DBH: variants seen among roughly 807,000 people sequenced by gnomAD.
DBH encodes dopamine beta-hydroxylase (dopamine beta-monooxygenase).
Under a neutral mutation model 64.0 loss-of-function variants are expected in DBH, and 49 were observed. The ratio of observed to expected loss-of-function variants is 0.77; its 90% confidence interval spans 0.61 to 0.97. The LOEUF is 0.97. Ranked by LOEUF, DBH falls within the 50% of genes least tolerant of loss-of-function variation. DBH has a pLI of 0.00. For missense variants in DBH, 828 were observed against 826.6 expected, an observed-to-expected ratio of 1.00 and a Z score of -0.02; for synonymous variants, 343 against 347.1, an observed-to-expected ratio of 0.99 and a Z score of 0.13.
In DBH at chr9:133,642,325, TC is replaced by T. The variant is rs1030029262; in HGVS notation, c.609del (p.Glu204AsnfsTer84). On this transcript the variant is annotated frameshift_variant, in exon 3 of 12. Transcript: ENST00000393056. LOFTEE classifies it high-confidence loss of function. ...AGGGTGCAGCTCCTGAAGCCCAATA[TC>T]CCCGAACCGGAGTTGCCCTCAGACG... ...LQRVQLLKPN[I>X]PEPELPSDAC... The T allele has an allele frequency of 1.9e-6, 3 of 1,613,924 alleles. No homozygotes were observed. The highest frequency in any genetic ancestry group is 2.5e-6 in the Non-Finnish European group (3 of 1,180,016).
In DBH at chr9:133,642,381, A is replaced by G. The variant is rs1414884224; in HGVS notation, c.661A>G (p.Ile221Val). 1.2e-6 allele frequency: 2 copies of G among 1,614,124 alleles called. No individual in the cohort carries two copies. The highest frequency in any genetic ancestry group is 3.3e-5 in the Admixed American group (2 of 60,018). ...CACCATGGAGGTCCAAGCTCCCAAT[A>G]TCCAGATCCCCAGCCAGGAGACCAC... ...ACTMEVQAPN[I>V]QIPSQETTYW... Residue 221 changes from isoleucine (I) to valine (V), a missense_variant, in exon 3 of 12, where the codon ATC becomes GTC. Coordinates refer to ENST00000393056, the MANE Select transcript of DBH (RefSeq NM_000787.4).
At chr9:133,644,873 A>G (rs1832162884) in intron 5 of DBH, among the ~76,000 whole-genome samples, 1 of 152,130 alleles carries the variant, frequency 6.6e-6, no homozygotes, top group African/African-American at 2.4e-5. Flanking sequence ...TGTCTCAGAA[A>G]CTGAAAAAAA....
intron 9 of DBH, 138 bp from the exon 10 acceptor site, chr9:133,656,385 C>T (rs1262214137): frequency 3.7e-5 from 44 of 1,193,370 alleles, no homozygotes; most frequent in Non-Finnish European, 4.7e-5. Context: ...GGCAGGGACT[C>T]GGTTCCCCAG....
At chr9:133,646,439 A>G (rs1832182610) in intron 5 of DBH, among the ~76,000 whole-genome samples, 1 of 152,296 alleles carries the variant, frequency 6.6e-6, no homozygotes, top group African/African-American at 2.4e-5. Flanking sequence ...CTGCTGATTC[A>G]CTAGGCATGG....
intron 11 of DBH, 157 bp downstream of exon 11, chr9:133,657,386 C>A (rs560232269): frequency 6.7e-6 from 5 of 744,096 alleles, no homozygotes; most frequent in South Asian, 3.1e-5. Flanking sequence ...GCCTAGACAG[C>A]CAGCCAGCCA....
At position 133,657,446 on chromosome 9, in the gene DBH, A is replaced by AGAG. The variant is rs1289696827; in HGVS notation, c.1722+218_1722+220dup. 1.6e-3 allele frequency: 732 copies of AGAG among 468,848 alleles called. 15 individuals carry two copies. Among genetic ancestry groups the AGAG allele is most frequent in the Non-Finnish European group, 1.9e-3 (504 of 261,438 alleles). The allele number at this position is 468,848 out of a possible 1,614,324, so 29.0% of individuals were successfully genotyped here. A position where few individuals can be genotyped will look rare whatever the true frequency, so the allele number is the denominator to read the frequency against. On this transcript the variant is annotated intron_variant, in intron 11 of 11. Coordinates refer to ENST00000393056, the MANE Select transcript of DBH (RefSeq NM_000787.4). ...AGAGGAGAGAGAGGAGAGAGAGGAG[A>AGAG]GAGAGGAGAGAGGGAGAGGGAGAGA...
At position 133,643,715 on chromosome 9, in the gene DBH, C is replaced by T. The variant is rs1832144943; in HGVS notation, c.921+126C>T. On this transcript the variant is annotated intron_variant, in intron 4 of 11. Transcript: ENST00000393056. The surrounding 1 kb of genome is among the most constrained non-coding windows in gnomAD (Gnocchi z 5.3). ...GGGCTCCCAAGGGGGCTCACGAGGC[C>T]ACCAGAAGGGCCAGGCCTGAGGTGG... The T allele has an allele frequency of 9.1e-7, 1 of 1,094,460 alleles. No homozygotes were observed. The highest frequency in any genetic ancestry group is 1.6e-5 in the African/African-American group (1 of 63,594). The allele number at this position is 1,094,460 out of a possible 1,614,324, so 67.8% of individuals were successfully genotyped here.
chr9:133,657,441 AGGAGAGAGAGGAGAGAGG>A, intron 11 of DBH: 1 of 420,574 alleles, frequency 2.4e-6, no homozygotes, highest in Non-Finnish European at 4.4e-6. Context: ...GAGGAGAGAG[AGGAGAGAGAGGAGAGAGG>A]GAGAGGGAGA....
At chr9:133,647,195 A>G (rs969710533) in intron 5 of DBH, among the ~76,000 whole-genome samples, 3 of 152,210 alleles carry the variant, frequency 2.0e-5, no homozygotes, top group African/African-American at 7.2e-5. Context: ...TTGGGTCTGC[A>G]GGACATAAAT....
At chr9:133,653,024 C>A in intron 9 of DBH, 25 bp downstream of exon 9, 1 of 1,583,764 alleles carries the variant, frequency 6.3e-7, no homozygotes. Flanking sequence ...CTTCCCCCTG[C>A]ACCTGCCCAG....
Position 133,653,016 on chromosome 9 carries a change from T to TC in DBH, c.1434+22dup. On this transcript the variant is annotated intron_variant, in intron 9 of 11. Transcript: ENST00000393056. ...GCCACAGTGGTAAGTCACCCCCGCT[T>TC]CCCCCTGCACCTGCCCAGGGCGAGT... The TC allele has an allele frequency of 1.9e-6, 3 of 1,600,704 alleles. No homozygotes were observed. Among genetic ancestry groups the TC allele is most frequent in the Non-Finnish European group, 2.6e-6 (3 of 1,168,242 alleles).
At chr9:133,657,352 C>A in intron 11 of DBH, 123 bp downstream of exon 11, 1 of 1,214,340 alleles carries the variant, frequency 8.2e-7, no homozygotes, top group Non-Finnish European at 1.2e-6. Flanking sequence ...ACAATGAGAG[C>A]AAGTGCCAGG....
Position 133,636,602 on chromosome 9 carries a change from G to A in DBH, c.231G>A (p.Leu77=), listed in dbSNP as rs1832055678. ...YTQEAIHFQL[L]VRRLKAGVLF... ...AGGAGGCCATCCATTTCCAGCTCCT[G>A]GTGCGGAGGCTCAAGGCTGGCGTCC... The change falls in exon 1 of 12, where the codon CTG becomes CTA. Residue 77 remains leucine (L), a synonymous_variant. Coordinates refer to ENST00000393056, the MANE Select transcript of DBH (RefSeq NM_000787.4). 1.2e-6 allele frequency: 2 copies of A among 1,613,686 alleles called. No individual in the cohort carries two copies. Among genetic ancestry groups the A allele is most frequent in the Non-Finnish European group, 1.7e-6 (2 of 1,180,034 alleles).
intron 11 of DBH, 188 bp downstream of exon 11, chr9:133,657,417 A>AGAGAGGAGAGAGAG (rs1241873593): frequency 2.7e-5 from 1 of 36,928 alleles, no homozygotes; most frequent in Non-Finnish European, 5.0e-5. Flanking sequence ...AGGAGAGAGG[A>AGAGAGGAGAGAGAG]GAGAGAGGAG....
At chr9:133,646,930 C>T (rs888902142) in intron 5 of DBH, among the ~76,000 whole-genome samples, 6 of 152,180 alleles carry the variant, frequency 3.9e-5, no homozygotes, top group Admixed American at 3.9e-4. Flanking sequence ...ACAGGTGTGG[C>T]CACACCATAA....
intron 9 of DBH, chr9:133,655,068 C>G (rs549067184): frequency 6.6e-6 from 1 of 152,360 alleles, no homozygotes; most frequent in South Asian, 2.1e-4. Context: ...GCCTGGTGAG[C>G]ACCGCGGACA....
intron 6 of DBH, among the ~76,000 whole-genome samples, chr9:133,649,726 T>C (rs1832222433): frequency 1.3e-5 from 2 of 152,232 alleles, no homozygotes; most frequent in Non-Finnish European, 2.9e-5. Flanking sequence ...CGTGGGCCCA[T>C]GTAAAAGGCA....
In DBH at chr9:133,639,882, G is replaced by T; in HGVS notation, c.376G>T (p.Asp126Tyr). 6.2e-7 allele frequency: 1 copy of T among 1,612,666 alleles called. No homozygotes were observed. Among genetic ancestry groups the T allele is most frequent in the Non-Finnish European group, 8.5e-7 (1 of 1,179,618 alleles). The change falls in exon 2 of 12, where the codon GAT (aspartate) becomes TAT (tyrosine). Residue 126 changes from aspartate (D) to tyrosine (Y), a missense_variant. Coordinates refer to ENST00000393056, the MANE Select transcript of DBH (RefSeq NM_000787.4). ...WSDQKGQIHL[D>Y]PQQDYQLLQV... Reference sequence around the variant, plus strand: ...TGACCAGAAGGGGCAGATCCACCTGGATCCCCAGCAGGACTACCAGCTGCT... The same window carrying T: ...TGACCAGAAGGGGCAGATCCACCTGTATCCCCAGCAGGACTACCAGCTGCT...
At position 133,642,084 on chromosome 9, in the gene DBH, A is replaced by C. The variant is rs948354983; in HGVS notation, c.487-123A>C. On this transcript the variant is annotated intron_variant, in intron 2 of 11. Transcript: ENST00000393056. ...TGCAAGCCTCAAGGGTCCCTTATTC[A>C]CAGAGATGAGAGTGAGGTGTGTCAC... 144 of 1,373,256 alleles carry C rather than the reference A, an allele frequency of 1.0e-4. No homozygotes were observed. In the Middle Eastern group the frequency reaches 1.7e-3, roughly 17 times the overall value. The allele number at this position is 1,373,256 out of a possible 1,614,324, so 85.1% of individuals were successfully genotyped here. A position where few individuals can be genotyped will look rare whatever the true frequency, so the allele number is the denominator to read the frequency against.
Sources: gnomAD v4.1 joint callset for allele counts (sites outside exome capture counted in the v4.1 genomes callset) on GRCh38, gnomAD v4.1.1 for gene constraint, Gnocchi (gnomAD v3.1) non-coding constraint, MANE v1.5 for transcripts, NCBI Gene and HGNC (gene_info 2026-07-23, HGNC 2026-07-21) for gene names.